MSI2: variants seen among roughly 807,000 people sequenced by gnomAD.
MSI2 encodes RNA-binding protein Musashi homolog 2.
In MSI2, 17 loss-of-function variants were observed where a neutral mutation model predicts 45.6. That is an observed-to-expected ratio of 0.37 (90% confidence interval 0.26 to 0.56). MSI2 has a LOEUF of 0.56. Among genes scored for constraint, MSI2 ranks in the 20% least tolerant of loss-of-function variants. MSI2 has a pLI of 0.77. For missense variants in MSI2, 293 were observed against 444.2 expected (o/e 0.66, Z 3.06); for synonymous variants, 156 against 158.2 (o/e 0.99, Z 0.11).
At chr17:57,631,858 G>T (rs1327215413) in intron 10 of MSI2, 1 of 1,611,524 alleles carries the variant, frequency 6.2e-7, no homozygotes, top group South Asian at 1.1e-5. Context: ...AGCAAAGTGG[G>T]GGTTGCTACC....
intron 5 of MSI2, among the ~76,000 whole-genome samples, chr17:57,379,306 G>T (rs1479680147): frequency 1.3e-5 from 2 of 151,996 alleles, no homozygotes; most frequent in African/African-American, 2.4e-5. Context: ...CTGAGTCAGG[G>T]TTGAGTTTTC....
intron 5 of MSI2, among the ~76,000 whole-genome samples, chr17:57,275,905 G>A (rs1908802911): frequency 6.6e-6 from 1 of 152,186 alleles, no homozygotes; most frequent in South Asian, 2.1e-4. Flanking sequence ...AGTTTGGAGT[G>A]GAGGGTCTTC....
intron 7 of MSI2, among the ~76,000 whole-genome samples, chr17:57,545,784 T>C (rs922695229): frequency 2.6e-5 from 4 of 152,200 alleles, no homozygotes; most frequent in Non-Finnish European, 5.9e-5. Context: ...TAAGTCTGAA[T>C]GTTAGAATAA....
chr17:57,326,410 A>G (rs1913796048), intron 5 of MSI2, among the ~76,000 whole-genome samples: 1 of 152,188 alleles, frequency 6.6e-6, no homozygotes, highest in Non-Finnish European at 1.5e-5. Context: ...GTCTGCAAGC[A>G]GAAACACCTA....
chr17:57,676,540 A>G (rs1283660664), intron 12 of MSI2, among the ~76,000 whole-genome samples: 1 of 152,132 alleles, frequency 6.6e-6, no homozygotes, highest in African/African-American at 2.4e-5. Context: ...GTTCTTGAAA[A>G]CCGGGGTCTT....
At chr17:57,488,096 G>A (rs540172285) in intron 6 of MSI2, among the ~76,000 whole-genome samples, 27 of 152,238 alleles carry the variant, frequency 1.8e-4, no homozygotes, top group African/African-American at 6.3e-4. Flanking sequence ...GCCCAGGGCA[G>A]CAGCCAAGCC....
intron 7 of MSI2, among the ~76,000 whole-genome samples, chr17:57,594,510 C>T (rs1322005819): frequency 6.6e-6 from 1 of 152,084 alleles, no homozygotes; most frequent in South Asian, 2.1e-4. Context: ...GCTTGAGGAA[C>T]AAATACCCCA....
intron 10 of MSI2, chr17:57,632,502 T>TGGGCCCCGCCTTCCCCAGC: frequency 1.9e-6 from 2 of 1,066,474 alleles, no homozygotes; most frequent in Non-Finnish European, 2.3e-6. Context: ...CGATCCACAG[T>TGGGCCCCGCCTTCCCCAGC]GGGCCCCGCC....
chr17:57,361,252 A>G (rs184627015), intron 5 of MSI2, among the ~76,000 whole-genome samples: 1 of 152,280 alleles, frequency 6.6e-6, no homozygotes, highest in Non-Finnish European at 1.5e-5. Context: ...CATGCTTTAT[A>G]TATGTATTAT....
intron 6 of MSI2, among the ~76,000 whole-genome samples, chr17:57,493,390 TCC>T (rs905080818): frequency 2.0e-5 from 3 of 152,130 alleles, no homozygotes; most frequent in African/African-American, 7.2e-5. Flanking sequence ...GAAATTGCTG[TCC>T]TCACTTGCCA....
In MSI2 at chr17:57,597,499, G is replaced by A. The variant is rs575466158; in HGVS notation, c.537+549G>A. Among the ~76,000 whole-genome samples the A allele has an allele frequency of 3.9e-4, 48 of 122,570 alleles. No homozygotes were observed. The Middle Eastern group carries it at 0.014, about 35-fold the overall frequency. The allele number at this position is 122,570 out of a possible 152,430, so 80.4% of individuals were successfully genotyped here. A position where few individuals can be genotyped will look rare whatever the true frequency, so the allele number is the denominator to read the frequency against. On this transcript the variant is annotated intron_variant, in intron 8 of 13. Transcript: ENST00000284073. ...AAAAAAAAAAAAAAAAATTAGCTGG[G>A]TGCAGTGCACCTGTACCCCACCTAC... is the stretch of plus-strand genomic sequence containing the variant.
chr17:57,532,957 A>G (rs1287979210), intron 7 of MSI2, among the ~76,000 whole-genome samples: 2 of 152,174 alleles, frequency 1.3e-5, no homozygotes, highest in African/African-American at 4.8e-5. Flanking sequence ...GCTGTGTGAC[A>G]TGAGCTGTGT....
Position 57,652,009 on chromosome 17 carries a change from G to A in MSI2, c.728-90G>A. 8.4e-7 allele frequency: 1 copy of A among 1,184,390 alleles called. No individual in the cohort carries two copies. Among genetic ancestry groups the A allele is most frequent in the Non-Finnish European group, 1.3e-6 (1 of 792,464 alleles). 73.4% of individuals were successfully genotyped at this position (1,184,390 alleles called of 1,614,324 possible). On this transcript the variant is annotated intron_variant, in intron 10 of 13. Coordinates refer to ENST00000284073, the MANE Select transcript of MSI2 (RefSeq NM_138962.4). The surrounding 1 kb of genome is among the most constrained non-coding windows in gnomAD (Gnocchi z 4.1). Reference sequence around the variant, plus strand: ...TTCCCACTCCTGTCTTTGTGTGGAGGGCGGGGGGTTGTGTGGCCCGTGACC... The same window carrying A: ...TTCCCACTCCTGTCTTTGTGTGGAGAGCGGGGGGTTGTGTGGCCCGTGACC...
intron 8 of MSI2, among the ~76,000 whole-genome samples, chr17:57,603,263 T>C (rs1235353618): frequency 6.6e-6 from 1 of 152,204 alleles, no homozygotes; most frequent in Non-Finnish European, 1.5e-5. Context: ...AGAAGACACG[T>C]GAGGCATGCA....
rs1330607129 is a variant in MSI2 at position 57,596,271 on chromosome 17, A to G, written c.455-597A>G. Among the ~76,000 whole-genome samples, 2 of 152,256 alleles carry G rather than the reference A, an allele frequency of 1.3e-5. No homozygotes were observed. The highest frequency in any genetic ancestry group is 2.9e-5 in the Non-Finnish European group (2 of 68,036). On this transcript the variant is annotated intron_variant, in intron 7 of 13. Transcript: ENST00000284073. The surrounding 1 kb of genome is among the most constrained non-coding windows in gnomAD (Gnocchi z 4.6). The stretch of plus-strand genomic sequence containing the variant: ...AGTGGATAGCTGACGGGCTGACAGC[A>G]GGCATCAAACAGTCTTAAACTGCCC...
At chr17:57,606,123 G>T (rs1253492953) in intron 8 of MSI2, 1 of 152,400 alleles carries the variant, frequency 6.6e-6, no homozygotes, top group Non-Finnish European at 1.5e-5. Context: ...AGGGAGAAAG[G>T]CAATGACTGT....
chr17:57,303,524 A>C (rs1276965784), intron 5 of MSI2, among the ~76,000 whole-genome samples: 1 of 152,244 alleles, frequency 6.6e-6, no homozygotes, highest in Non-Finnish European at 1.5e-5. Flanking sequence ...AAGGTCCAGG[A>C]GGAACAGGGA....
At chr17:57,531,762 G>C (rs922322542) in intron 7 of MSI2, 1 of 152,266 alleles carries the variant, frequency 6.6e-6, no homozygotes, top group Non-Finnish European at 1.5e-5. Flanking sequence ...CGGGCAGGGA[G>C]AGGGCTGGTC....
intron 8 of MSI2, among the ~76,000 whole-genome samples, chr17:57,614,795 A>G (rs1177010086): frequency 1.3e-5 from 2 of 152,214 alleles, no homozygotes; most frequent in African/African-American, 4.8e-5. Context: ...CGAGGGCCAC[A>G]GTTTTACTTA....
Sources: gnomAD v4.1 joint callset for allele counts (sites outside exome capture counted in the v4.1 genomes callset) on GRCh38, gnomAD v4.1.1 for gene constraint, Gnocchi (gnomAD v3.1) non-coding constraint, MANE v1.5 for transcripts, NCBI Gene and HGNC (gene_info 2026-07-23, HGNC 2026-07-21) for gene names.